The following PCDHGA5 variants were observed in gnomAD, a reference collection of about 807,000 sequenced individuals.
The protein encoded by PCDHGA5 is protocadherin gamma subfamily A, 5.
A neutral mutation model predicts 56.7 loss-of-function variants in PCDHGA5; 36 were observed. The ratio of observed to expected loss-of-function variants is 0.64; its 90% CI spans 0.49 to 0.84. The LOEUF (loss-of-function observed/expected upper bound fraction) is 0.84, where lower values mean the gene tolerates loss of function less well. PCDHGA5 is among the 40% of genes least tolerant of loss of function. The pLI, the probability that PCDHGA5 is intolerant of heterozygous loss-of-function variation, is 0.00. For missense variants in PCDHGA5, 1,305 were observed against 1,201.5 expected, an observed-to-expected ratio of 1.09 and a Z score of -1.27; for synonymous variants, 563 against 520.2, an observed-to-expected ratio of 1.08 and a Z score of -1.12.
intron 1 of PCDHGA5, chr5:141,408,406 G>T (rs750833105): frequency 5.0e-6 from 8 of 1,614,066 alleles, no homozygotes; most frequent in East Asian, 2.2e-5. Flanking sequence ...AGCTGCGAGT[G>T]AGCGCGGAGA....
Position 141,370,267 on chromosome 5 carries a change from C to T in PCDHGA5, c.2421+3516C>T. On this transcript the variant is annotated intron_variant, in intron 1 of 3. Coordinates refer to ENST00000518069, the MANE Select transcript of PCDHGA5 (RefSeq NM_018918.3). ...GCACTCTCTATCAGGCTTCCTGCAG[C>T]GGAGACACCCATTAGAGAACCCAAG... The T allele has an allele frequency of 6.5e-6, 5 of 767,402 alleles. No homozygotes were observed. The East Asian group carries it at 1.1e-4, about 17-fold the overall frequency. 47.5% of individuals were successfully genotyped at this position (767,402 alleles called of 1,614,324 possible). A position where few individuals can be genotyped will look rare whatever the true frequency, so the allele number is the denominator to read the frequency against.
In PCDHGA5 at chr5:141,441,877, C is replaced by T. The variant is rs945298341; in HGVS notation, c.2422-52930C>T. ...GCTGCACGCCGCGGAGCCTGGCTACCTGGTCACCAAGGTGGTGGCTGTAGA... is the reference window on the plus strand; with the variant it reads ...GCTGCACGCCGCGGAGCCTGGCTACTTGGTCACCAAGGTGGTGGCTGTAGA... On this transcript the variant is annotated intron_variant, in intron 1 of 3. Transcript: ENST00000518069. 4 of 343,582 alleles carry T rather than the reference C, an allele frequency of 1.2e-5. No homozygotes were observed. In the Admixed American group the frequency reaches 1.6e-4, roughly 13 times the overall value. 21.3% of individuals were successfully genotyped at this position (343,582 alleles called of 1,614,324 possible).
intron 1 of PCDHGA5, chr5:141,383,159 C>G (rs769758778): frequency 2.6e-5 from 42 of 1,613,986 alleles, no homozygotes; most frequent in Non-Finnish European, 3.5e-5. Flanking sequence ...TTGGTCACTG[C>G]GGGCAGGATA....
rs754652710 is a variant in PCDHGA5 at position 141,476,367 on chromosome 5, G to A, written c.2422-18440G>A. Reference sequence around the variant, plus strand: ...TTCTTTGAGGTGAACCGGGAGACCGGAGAGATGTTTGTGAACGACCGTCTG... The same window carrying A: ...TTCTTTGAGGTGAACCGGGAGACCGAAGAGATGTTTGTGAACGACCGTCTG... On this transcript the variant is annotated intron_variant, in intron 1 of 3. Coordinates refer to ENST00000518069, the MANE Select transcript of PCDHGA5 (RefSeq NM_018918.3). The surrounding 1 kb of genome is among the most constrained non-coding windows in gnomAD (Gnocchi z 7.6). The A allele has an allele frequency of 2.5e-6, 4 of 1,614,172 alleles. No homozygotes were observed. In the South Asian group the frequency reaches 3.3e-5, roughly 13 times the overall value.
chr5:141,412,233 A>G (rs866840267), intron 1 of PCDHGA5: 4 of 152,256 alleles, frequency 2.6e-5, no homozygotes, highest in Admixed American at 6.5e-5. Context: ...TTAAAAACCT[A>G]TATCACTACA....
At position 141,486,878 on chromosome 5, in the gene PCDHGA5, C is replaced by T. The variant is rs772994346; in HGVS notation, c.2422-7929C>T. ...CAATGCTCCAGCTGTGCTCCGTCCT[C>T]GGGCCCGGCCTGGTTCCTTATGTCC... On this transcript the variant is annotated intron_variant, in intron 1 of 3. Transcript: ENST00000518069. The surrounding 1 kb of genome is among the most constrained non-coding windows in gnomAD (Gnocchi z 5.0). 3.0e-5 allele frequency: 49 copies of T among 1,614,114 alleles called. No homozygotes were observed. The highest frequency in any genetic ancestry group is 4.4e-5 in the South Asian group (4 of 91,088).
At position 141,375,636 on chromosome 5, in the gene PCDHGA5, G is replaced by C. The variant is rs1448632834; in HGVS notation, c.2421+8885G>C. On this transcript the variant is annotated intron_variant, in intron 1 of 3. Transcript: ENST00000518069. ...GACACTGGGATTCTGTACGCCCTGC[G>C]CTCCTTCGACTATGAGCAGTTGAGA... The C allele has an allele frequency of 6.2e-6, 10 of 1,614,064 alleles. No individual in the cohort carries two copies. Among genetic ancestry groups the C allele is most frequent in the Non-Finnish European group, 8.5e-6 (10 of 1,180,044 alleles).
chr5:141,421,188 C>T lies in PCDHGA5; in HGVS notation c.2421+54437C>T, dbSNP rs1364019876. 2.0e-6 allele frequency: 3 copies of T among 1,471,410 alleles called. No individual in the cohort carries two copies. The South Asian group carries it at 4.0e-5, about 20-fold the overall frequency. The allele number at this position is 1,471,410 out of a possible 1,614,324, so 91.1% of individuals were successfully genotyped here. A position where few individuals can be genotyped will look rare whatever the true frequency, so the allele number is the denominator to read the frequency against. The stretch of plus-strand genomic sequence containing the variant: ...GATACATAAGCCGATTCACAACCAA[C>T]CAGCTCGAGAAACCGCGGAATATCG... On this transcript the variant is annotated intron_variant, in intron 1 of 3. Coordinates refer to ENST00000518069, the MANE Select transcript of PCDHGA5 (RefSeq NM_018918.3).
At chr5:141,419,313 G>T in intron 1 of PCDHGA5, 1 of 1,613,974 alleles carries the variant, frequency 6.2e-7, no homozygotes, top group Non-Finnish European at 8.5e-7. Context: ...GGGCTCAACG[G>T]CCGTGTCTCC....
chr5:141,491,871 C>T lies in PCDHGA5; in HGVS notation c.2422-2936C>T, dbSNP rs1222191027. 2.1e-6 allele frequency: 3 copies of T among 1,451,434 alleles called. No individual in the cohort carries two copies. Among genetic ancestry groups the T allele is most frequent in the Non-Finnish European group, 2.7e-6 (3 of 1,098,418 alleles). 89.9% of individuals were successfully genotyped at this position (1,451,434 alleles called of 1,614,324 possible). ...ACCGTTTGCGCGAAACCAGAGTGGC[C>T]GATTAAGGGATGGGGCTCCGAGCAC... On this transcript the variant is annotated intron_variant, in intron 1 of 3. Transcript: ENST00000518069. The surrounding 1 kb of genome is among the most constrained non-coding windows in gnomAD (Gnocchi z 6.9).
At chr5:141,389,328 A>T in intron 1 of PCDHGA5, 1 of 1,613,972 alleles carries the variant, frequency 6.2e-7, no homozygotes. Flanking sequence ...CTTGGGGCCC[A>T]ACGGCCAAGT....
chr5:141,450,010 T>A (rs2098664468), intron 1 of PCDHGA5, among the ~76,000 whole-genome samples: 1 of 135,330 alleles, frequency 7.4e-6, no homozygotes, highest in African/African-American at 3.3e-5. Flanking sequence ...ATGTCTCTTT[T>A]TTTTTTTTTT....
intron 1 of PCDHGA5, among the ~76,000 whole-genome samples, chr5:141,426,099 G>A (rs1590666889): frequency 1.3e-5 from 2 of 152,348 alleles, no homozygotes; most frequent in African/African-American, 4.8e-5. Context: ...ATTCTGTTCA[G>A]TCACAGAAGC....
intron 1 of PCDHGA5, among the ~76,000 whole-genome samples, chr5:141,457,898 A>T (rs1035775197): frequency 6.6e-6 from 1 of 151,874 alleles, no homozygotes; most frequent in Non-Finnish European, 1.5e-5. Context: ...GACTGTGTAG[A>T]CAAGGTGTGA....
chr5:141,502,250 TA>T (rs2099813542), intron 2 of PCDHGA5, among the ~76,000 whole-genome samples: 1 of 152,242 alleles, frequency 6.6e-6, no homozygotes, highest in African/African-American at 2.4e-5. Flanking sequence ...TCCTTTTTTT[TA>T]ATCCAGGATT....
intron 1 of PCDHGA5, among the ~76,000 whole-genome samples, chr5:141,474,263 A>C (rs964712807): frequency 6.6e-6 from 1 of 152,188 alleles, no homozygotes; most frequent in Non-Finnish European, 1.5e-5. Context: ...CTGATAAACC[A>C]GTGTATCTCT....
chr5:141,394,292 G>A (rs1173905383), intron 1 of PCDHGA5: 18 of 1,613,852 alleles, frequency 1.1e-5, no homozygotes, highest in Non-Finnish European at 1.4e-5. Flanking sequence ...CTGTGACCGA[G>A]GACACGCTGC....
At chr5:141,376,675 C>CCTTTTTTTT (rs1561575046) in intron 1 of PCDHGA5, 1 of 343,980 alleles carries the variant, frequency 2.9e-6, no homozygotes. Context: ...GTGAGGGTAT[C>CCTTTTTTTT]GTTTTTTTTT....
chr5:141,395,179 A>T (rs1031739375), intron 1 of PCDHGA5: 2 of 1,614,164 alleles, frequency 1.2e-6, no homozygotes, highest in Non-Finnish European at 1.7e-6. Context: ...GAGAAAAATG[A>T]TTCTTTGTTA....
Sources: gnomAD v4.1 joint callset for allele counts (sites outside exome capture counted in the v4.1 genomes callset) on GRCh38, gnomAD v4.1.1 for gene constraint, Gnocchi (gnomAD v3.1) non-coding constraint, MANE v1.5 for transcripts, NCBI Gene and HGNC (gene_info 2026-07-23, HGNC 2026-07-21) for gene names.